MALRD1: variants seen among roughly 807,000 people sequenced by gnomAD.
MALRD1 encodes the protein MAM and LDL receptor class A domain containing 1, also known as MAM and LDL-receptor class A domain-containing protein 1.
In MALRD1, 247 loss-of-function variants were observed where a neutral mutation model predicts 242.1. That is an observed-to-expected ratio of 1.02 (90% CI 0.92 to 1.13). The LOEUF is 1.13. Among genes scored for constraint, MALRD1 ranks in the 50% most tolerant of loss-of-function variants. The pLI, the probability that MALRD1 is intolerant of heterozygous loss-of-function variation, is 0.00. For missense variants in MALRD1, 2,989 were observed against 2,533.1 expected (o/e 1.18, Z -3.86); for synonymous variants, 995 against 866.6 (o/e 1.15, Z -2.60).
chr10:19,542,872 G>A (rs372711058), intron 32 of MALRD1, among the ~76,000 whole-genome samples: 10 of 152,142 alleles, frequency 6.6e-5, no homozygotes, highest in South Asian at 4.1e-4. Context: ...ATTTTTATGT[G>A]TTGAAGTTAT....
chr10:19,296,549 T>A (rs879939923), intron 21 of MALRD1, among the ~76,000 whole-genome samples: 1 of 152,110 alleles, frequency 6.6e-6, no homozygotes, highest in Non-Finnish European at 1.5e-5. Flanking sequence ...GGAGGTTTTA[T>A]CAACTTTTCC....
At chr10:19,715,146 T>C (rs1834323648) in intron 38 of MALRD1, among the ~76,000 whole-genome samples, 1 of 152,070 alleles carries the variant, frequency 6.6e-6, no homozygotes, top group Admixed American at 6.6e-5. Flanking sequence ...TGCTACGAAA[T>C]TTATTGCTCC....
intron 32 of MALRD1, among the ~76,000 whole-genome samples, chr10:19,553,223 T>C (rs1835571134): frequency 6.6e-6 from 1 of 152,136 alleles, no homozygotes; most frequent in Admixed American, 6.6e-5. Context: ...AATTGGGCTC[T>C]ATGGTTGGAC....
intron 31 of MALRD1, among the ~76,000 whole-genome samples, chr10:19,524,118 A>G (rs1406706176): frequency 6.6e-6 from 1 of 152,192 alleles, no homozygotes; most frequent in Admixed American, 6.5e-5. Context: ...TGTGTTTTCC[A>G]TTCTGACAAC....
chr10:19,707,124 TTTC>T (rs1320991158), intron 38 of MALRD1, among the ~76,000 whole-genome samples: 11 of 150,210 alleles, frequency 7.3e-5, no homozygotes, highest in Non-Finnish European at 1.2e-4. Context: ...TTCCTCCTCC[TTTC>T]TTCTTCTTCC....
chr10:19,454,739 C>CACAT (rs1348702973), intron 29 of MALRD1, among the ~76,000 whole-genome samples: 1 of 151,314 alleles, frequency 6.6e-6, no homozygotes, highest in African/African-American at 2.4e-5. Context: ...CACACACACA[C>CACAT]ACACACACAC....
chr10:19,215,734 A>AACC (rs1564473191), intron 18 of MALRD1, among the ~76,000 whole-genome samples: 4 of 87,932 alleles, frequency 4.5e-5, no homozygotes, highest in Non-Finnish European at 8.5e-5. Flanking sequence ...AGTATAAATA[A>AACC]TTTAGTATAA....
intron 26 of MALRD1, among the ~76,000 whole-genome samples, chr10:19,372,357 T>A (rs1169094525): frequency 6.6e-6 from 1 of 152,126 alleles, no homozygotes; most frequent in Non-Finnish European, 1.5e-5. Context: ...GTTATAAATA[T>A]TTAGACACAT....
At chr10:19,313,093 C>T (rs1237692368) in intron 21 of MALRD1, among the ~76,000 whole-genome samples, 2 of 151,326 alleles carry the variant, frequency 1.3e-5, no homozygotes, top group African/African-American at 4.8e-5. Flanking sequence ...GCTGATGTTG[C>T]CAAATCAGGT....
rs115035359 is a variant in MALRD1, at chr10:19,526,109, A to G, written c.5321-5085A>G. ...TATTCTGAACTTTGTGCAAGAGGCT[A>G]CATTGACCTTCCCCAAGGATTTTGC... On this transcript the variant is annotated intron_variant, in intron 31 of 39. Coordinates refer to ENST00000454679, the MANE Select transcript of MALRD1 (RefSeq NM_001142308.3). Among the ~76,000 whole-genome samples the G allele has an allele frequency of 4.5e-3, 691 of 152,232 alleles. 4 individuals carry two copies. The highest frequency in any genetic ancestry group is 0.016 in the African/African-American group (660 of 41,562).
intron 21 of MALRD1, chr10:19,290,337 T>C (rs1264955611): frequency 6.6e-6 from 1 of 152,224 alleles, no homozygotes; most frequent in Non-Finnish European, 1.5e-5. Context: ...TTCTTGTAGA[T>C]GGAGGCATTT....
intron 38 of MALRD1, among the ~76,000 whole-genome samples, chr10:19,694,980 C>G (rs1464602537): frequency 1.3e-5 from 2 of 152,102 alleles, no homozygotes; most frequent in African/African-American, 2.4e-5. Context: ...GGACAAAAAA[C>G]CAAACACCAC....
intron 38 of MALRD1, among the ~76,000 whole-genome samples, chr10:19,703,633 A>G (rs767181720): frequency 1.3e-5 from 2 of 152,200 alleles, no homozygotes; most frequent in African/African-American, 2.4e-5. Flanking sequence ...AGTGGCTCAC[A>G]TTGGTAATCC....
At chr10:19,459,079 C>T (rs568678943) in intron 29 of MALRD1, among the ~76,000 whole-genome samples, 60 of 152,196 alleles carry the variant, frequency 3.9e-4, no homozygotes, top group Non-Finnish European at 7.8e-4. Flanking sequence ...GAAGCAAATA[C>T]ATTTGCTGTA....
chr10:19,159,882 A>C (rs1834323020), intron 12 of MALRD1, among the ~76,000 whole-genome samples: 1 of 152,068 alleles, frequency 6.6e-6, no homozygotes, highest in African/African-American at 2.4e-5. Context: ...ATATGATTTA[A>C]TGTATACATA....
At chr10:19,385,716 T>C (rs1564293300) in intron 26 of MALRD1, among the ~76,000 whole-genome samples, 1 of 152,048 alleles carries the variant, frequency 6.6e-6, no homozygotes, top group Non-Finnish European at 1.5e-5. Context: ...TATGGTTTAT[T>C]CTCTATATTA....
At position 19,672,576 on chromosome 10, in the gene MALRD1, A is replaced by G. The variant is rs12262348; in HGVS notation, c.6138-19706A>G. On this transcript the variant is annotated intron_variant, in intron 36 of 39. Transcript: ENST00000454679. ...GTAGCTGGTATTACAGGTGCACACCACCATGCCCGGCTAATTTTTGTATTT... is the reference window on the plus strand; with the variant it reads ...GTAGCTGGTATTACAGGTGCACACCGCCATGCCCGGCTAATTTTTGTATTT... 6.8e-3 allele frequency among the ~76,000 whole-genome samples: 1,039 copies of G among 152,036 alleles called. 11 individuals are homozygous for G. Among genetic ancestry groups the G allele is most frequent in the African/African-American group, 0.023 (940 of 41,466 alleles).
chr10:19,393,515 G>T (rs1374389439), intron 28 of MALRD1, among the ~76,000 whole-genome samples: 1 of 139,316 alleles, frequency 7.2e-6, no homozygotes, highest in African/African-American at 2.7e-5. Context: ...GTGTGATCTC[G>T]GCTCACTGCA....
intron 26 of MALRD1, among the ~76,000 whole-genome samples, chr10:19,355,334 A>G (rs1844571250): frequency 6.6e-6 from 1 of 152,108 alleles, no homozygotes; most frequent in Non-Finnish European, 1.5e-5. Flanking sequence ...AAGATATTAA[A>G]TGGTCTTAGA....
Sources: gnomAD v4.1 joint callset for allele counts (sites outside exome capture counted in the v4.1 genomes callset) on GRCh38, gnomAD v4.1.1 for gene constraint, MANE v1.5 for transcripts, NCBI Gene and HGNC (gene_info 2026-07-23, HGNC 2026-07-21) for gene names.